FAAP24: variants seen among roughly 807,000 people sequenced by gnomAD.
FAAP24 encodes the protein FA core complex associated protein 24.
A neutral mutation model predicts 14.3 loss-of-function variants in FAAP24; 16 were observed. The ratio of observed to expected loss-of-function variants is 1.12; its 90% CI spans 0.76 to 1.69. FAAP24 has a LOEUF of 1.69. Ranked by LOEUF, FAAP24 falls within the 40% of genes most tolerant of loss-of-function variation. The pLI is 0.00. For missense variants in FAAP24, 234 were observed against 262.7 expected, an observed-to-expected ratio of 0.89 and a Z score of 0.75; for synonymous variants, 111 against 106.2, an observed-to-expected ratio of 1.04 and a Z score of -0.28.
At chr19:32,976,385 G>A (rs1471521847) in intron 4 of FAAP24, 46 bp from the exon 5 acceptor site, 4 of 1,559,816 alleles carry the variant, frequency 2.6e-6, no homozygotes, top group Admixed American at 4.1e-5. Flanking sequence ...AAAACGGCCA[G>A]TCCTCCAGAG....
At chr19:32,976,335 C>G in intron 4 of FAAP24, 96 bp from the exon 5 acceptor site, 1 of 1,469,924 alleles carries the variant, frequency 6.8e-7, no homozygotes, top group Non-Finnish European at 9.1e-7. Flanking sequence ...TCAAGCTGAG[C>G]CAAATGGAAA....
At chr19:32,973,385 T>C in intron 2 of FAAP24, 41 bp from the exon 3 acceptor site, 4 of 1,605,074 alleles carry the variant, frequency 2.5e-6, no homozygotes, top group Non-Finnish European at 3.4e-6. Context: ...CATCTTTTCA[T>C]CCAAAGCTTA....
rs1299644517 is a variant in FAAP24, at chr19:32,976,777, C to G, written c.*95C>G. Reference sequence around the variant, plus strand: ...AAACCAAGAGAATGGGCCGGGTGCACTGGCTCACGCCTCTAATCTCAGCAC... The same window carrying G: ...AAACCAAGAGAATGGGCCGGGTGCAGTGGCTCACGCCTCTAATCTCAGCAC... On this transcript the variant is annotated 3_prime_UTR_variant, in exon 5 of 5. Transcript: ENST00000588258. 4.0e-6 allele frequency: 6 copies of G among 1,482,962 alleles called. No homozygotes were observed. Among genetic ancestry groups the G allele is most frequent in the Non-Finnish European group, 5.5e-6 (6 of 1,097,176 alleles). 91.9% of individuals were successfully genotyped at this position (1,482,962 alleles called of 1,614,324 possible). A position where few individuals can be genotyped will look rare whatever the true frequency, so the allele number is the denominator to read the frequency against.
chr19:32,976,222 G>T (rs1971514403), intron 4 of FAAP24, among the ~76,000 whole-genome samples: 1 of 152,100 alleles, frequency 6.6e-6, no homozygotes, highest in South Asian at 2.1e-4. Flanking sequence ...GCACATTTTT[G>T]TAAATTAATG....
At chr19:32,975,506 T>C (rs1019110056) in intron 4 of FAAP24, among the ~76,000 whole-genome samples, 37 of 144,564 alleles carry the variant, frequency 2.6e-4, no homozygotes, top group African/African-American at 9.6e-4. Context: ...GTTGCTCAGG[T>C]TGGAGTGCAA....
Position 32,976,581 on chromosome 19 carries a change from A to G in FAAP24, c.547A>G (p.Ser183Gly). 6.2e-7 allele frequency: 1 copy of G among 1,614,176 alleles called. No individual in the cohort carries two copies. The highest frequency in any genetic ancestry group is 8.5e-7 in the Non-Finnish European group (1 of 1,180,046). ...TCCCCTTCTCCTCCAGAAGTTTCCA[A>G]GCATCCAGCAACTGAGTAATGCTTC... Reference protein sequence around the residue: ...KAPLLLQKFPSIQQLSNASIG... With the variant: ...KAPLLLQKFPGIQQLSNASIG... The change falls in exon 5 of 5, where the codon AGC becomes GGC. Residue 183 changes from serine (S) to glycine (G), a missense_variant. Transcript: ENST00000588258.
In FAAP24 at chr19:32,973,473, C is replaced by T; in HGVS notation, c.154C>T (p.Leu52=). ...GGATGGCTTGACACCAGACTTTTAT[C>T]TGTCGAACAGATGCTGCATTCTTTA... is the stretch of plus-strand genomic sequence containing the variant. ...FEDGLTPDFY[L]SNRCCILYVT... is the part of the protein sequence containing the mutation. Residue 52 remains leucine (L), a synonymous_variant, in exon 3 of 5, where the codon CTG becomes TTG. Transcript: ENST00000588258. 1 of 1,614,200 alleles carries T rather than the reference C, an allele frequency of 6.2e-7. No homozygotes were observed. Among genetic ancestry groups the T allele is most frequent in the Non-Finnish European group, 8.5e-7 (1 of 1,180,032 alleles).
chr19:32,975,839 G>T (rs1971509895), intron 4 of FAAP24, among the ~76,000 whole-genome samples: 1 of 152,068 alleles, frequency 6.6e-6, no homozygotes, highest in African/African-American at 2.4e-5. Flanking sequence ...TGTGTGTGTT[G>T]TTTGTTTTTT....
At chr19:32,974,033 T>G (rs746894101) in intron 3 of FAAP24, 27 bp from the exon 4 acceptor site, 38 of 1,612,470 alleles carry the variant, frequency 2.4e-5, no homozygotes, top group Non-Finnish European at 3.2e-5. Context: ...GGTTGCAAAA[T>G]GACTTACTGT....
Position 32,974,103 on chromosome 19 carries a change from T to A in FAAP24, c.287T>A (p.Met96Lys). Residue 96 changes from methionine to lysine, a missense_variant, in exon 4 of 5, where the codon ATG becomes AAG. Met to Lys is a moderately conservative substitution (Grantham distance 95, BLOSUM62 -1). Coordinates refer to ENST00000588258, the MANE Select transcript of FAAP24 (RefSeq NM_152266.5). Reference sequence around the variant, plus strand: ...ATTGTAGTCGTTGAAAAAACCCGGATGAGTGAACAATACTTCCCAGCCCTA... The same window carrying A: ...ATTGTAGTCGTTGAAAAAACCCGGAAGAGTGAACAATACTTCCCAGCCCTA... ...KGIVVVEKTRMSEQYFPALQK... is the reference protein window; with the variant it reads ...KGIVVVEKTRKSEQYFPALQK... The A allele has an allele frequency of 6.2e-7, 1 of 1,614,170 alleles. No individual in the cohort carries two copies. Among genetic ancestry groups the A allele is most frequent in the Non-Finnish European group, 8.5e-7 (1 of 1,180,022 alleles).
chr19:32,972,350 C>G lies in FAAP24; in HGVS notation c.-14+4C>G. 1 of 404,678 alleles carries G rather than the reference C, an allele frequency of 2.5e-6. No homozygotes were observed. Among genetic ancestry groups the G allele is most frequent in the Non-Finnish European group, 4.4e-6 (1 of 228,786 alleles). The allele number at this position is 404,678 out of a possible 1,614,324, so 25.1% of individuals were successfully genotyped here. ...TGGACTGGACTGAGAAGCTACGGTG[C>G]GGATCCAGCTGGGGTATCAGGGGCT... is the stretch of plus-strand genomic sequence containing the variant. On this transcript the variant is annotated splice_donor_region_variant and intron_variant, in intron 1 of 4. Coordinates refer to ENST00000588258, the MANE Select transcript of FAAP24 (RefSeq NM_152266.5).
At position 32,973,311 on chromosome 19, in the gene FAAP24, C is replaced by A. The variant is rs1231817756; in HGVS notation, c.106+9C>A. 6.2e-7 allele frequency: 1 copy of A among 1,613,808 alleles called. No homozygotes were observed. On this transcript the variant is annotated intron_variant, in intron 2 of 4. Coordinates refer to ENST00000588258, the MANE Select transcript of FAAP24 (RefSeq NM_152266.5). ...GGCGCAGGAGATGCAAGGTCGGTGGCCTGCCCTCTGCCAGCCCTTTCCTCC... is the reference window on the plus strand; with the variant it reads ...GGCGCAGGAGATGCAAGGTCGGTGGACTGCCCTCTGCCAGCCCTTTCCTCC...
At position 32,976,438 on chromosome 19, in the gene FAAP24, A is replaced by G; in HGVS notation, c.404A>G (p.Glu135Gly). The G allele has an allele frequency of 6.2e-7, 1 of 1,613,228 alleles. No individual in the cohort carries two copies. Among genetic ancestry groups the G allele is most frequent in the Non-Finnish European group, 8.5e-7 (1 of 1,179,496 alleles). Residue 135 changes from glutamate (E) to glycine (G), a missense_variant, in exon 5 of 5, where the codon GAG becomes GGG. Transcript: ENST00000588258. ...GCTTTCATTGTGGTTCAGGTTCAAG[A>G]GCAAACCAAAGAGCCCAGTAAGAAC... ...ASCLVIQLVQ[E>G]QTKEPSKNPL...
chr19:32,972,711 TTTTC>T (rs1294586577), intron 1 of FAAP24, among the ~76,000 whole-genome samples: 890 of 73,776 alleles, frequency 0.012, 27 homozygotes, highest in African/African-American at 0.04. Flanking sequence ...TTTCTTTTTC[TTTTC>T]TTTTTTTTTT....
chr19:32,977,734 C>A lies in FAAP24; in HGVS notation c.*1052C>A. On this transcript the variant is annotated 3_prime_UTR_variant, in exon 5 of 5. Coordinates refer to ENST00000588258, the MANE Select transcript of FAAP24 (RefSeq NM_152266.5). ...AGGAGATCCAGACCATCCTGGCCGA[C>A]ATGGTGAAGCCCTGTCTCTACTAAA... The A allele has an allele frequency of 3.6e-6, 1 of 281,380 alleles. No homozygotes were observed. The allele number at this position is 281,380 out of a possible 1,614,324, so 17.4% of individuals were successfully genotyped here. A position where few individuals can be genotyped will look rare whatever the true frequency, so the allele number is the denominator to read the frequency against.
In FAAP24 at chr19:32,976,548, G is replaced by A; in HGVS notation, c.514G>A (p.Val172Ile). Residue 172 changes from valine (V) to isoleucine (I), a missense_variant, in exon 5 of 5, where the codon GTT becomes ATT. Coordinates refer to ENST00000588258, the MANE Select transcript of FAAP24 (RefSeq NM_152266.5). ...GCAGCAGATCCCAGGAGTTGGAAAAGTTAAAGCTCCCCTTCTCCTCCAGAA... is the reference window on the plus strand; with the variant it reads ...GCAGCAGATCCCAGGAGTTGGAAAAATTAAAGCTCCCCTTCTCCTCCAGAA... Reference protein sequence around the residue: ...TVQQIPGVGKVKAPLLLQKFP... With the variant: ...TVQQIPGVGKIKAPLLLQKFP... The A allele has an allele frequency of 6.2e-7, 1 of 1,614,148 alleles. No homozygotes were observed. Among genetic ancestry groups the A allele is most frequent in the South Asian group, 1.1e-5 (1 of 91,082 alleles).
In FAAP24 at chr19:32,976,242, C is replaced by T. The variant is rs16967685; in HGVS notation, c.397-189C>T. 2.8e-3 allele frequency among the ~76,000 whole-genome samples: 431 copies of T among 152,292 alleles called. 3 individuals are homozygous for T. The highest frequency in any genetic ancestry group is 9.7e-3 in the African/African-American group (403 of 41,568). The stretch of plus-strand genomic sequence containing the variant: ...TTTTTGTAAATTAATGTCTTAACTC[C>T]TTTGTGTGGTTCACCTTTCAATAAT... On this transcript the variant is annotated intron_variant, in intron 4 of 4. Coordinates refer to ENST00000588258, the MANE Select transcript of FAAP24 (RefSeq NM_152266.5).
Position 32,976,532 on chromosome 19 carries a change from C to G in FAAP24, c.498C>G (p.Ile166Met). The change falls in exon 5 of 5, where the codon ATC (isoleucine) becomes ATG (methionine). Residue 166 changes from isoleucine (I) to methionine (M), a missense_variant. Physicochemically the swap from Ile to Met is conservative, Grantham distance 10. Coordinates refer to ENST00000588258, the MANE Select transcript of FAAP24 (RefSeq NM_152266.5). ...CGCTCCTTCGAACCGTGCAGCAGATCCCAGGAGTTGGAAAAGTTAAAGCTC... is the reference window on the plus strand; with the variant it reads ...CGCTCCTTCGAACCGTGCAGCAGATGCCAGGAGTTGGAAAAGTTAAAGCTC... ...EPSLLRTVQQ[I>M]PGVGKVKAPL... 1.2e-6 allele frequency: 2 copies of G among 1,614,148 alleles called. No individual in the cohort carries two copies. The highest frequency in any genetic ancestry group is 1.7e-6 in the Non-Finnish European group (2 of 1,180,044).
chr19:32,976,564 TC>T lies in FAAP24; in HGVS notation c.532del (p.Leu178SerfsTer10). 1 of 1,614,120 alleles carries T rather than the reference TC, an allele frequency of 6.2e-7. No homozygotes were observed. Among genetic ancestry groups the T allele is most frequent in the Non-Finnish European group, 8.5e-7 (1 of 1,180,030 alleles). ...PGVGKVKAPL[L>X]LQKFPSIQQL... ...GTTGGAAAAGTTAAAGCTCCCCTTC[TC>T]CTCCAGAAGTTTCCAAGCATCCAGC... On this transcript the variant is annotated frameshift_variant, in exon 5 of 5. Coordinates refer to ENST00000588258, the MANE Select transcript of FAAP24 (RefSeq NM_152266.5). LOFTEE classifies it high-confidence loss of function.
Sources: allele counts gnomAD v4.1 joint callset (sites outside exome capture counted in the v4.1 genomes callset), GRCh38; gene constraint gnomAD v4.1.1; transcripts MANE v1.5; gene names NCBI Gene and HGNC (gene_info 2026-07-23, HGNC 2026-07-21).